ZGRF1: variants seen among roughly 807,000 people sequenced by gnomAD.
ZGRF1 encodes zinc finger GRF-type containing 1.
ZGRF1 carries 196 observed loss-of-function variants against 203.5 expected under a neutral mutation model. The ratio of observed to expected loss-of-function variants is 0.96; its 90% confidence interval spans 0.86 to 1.08. The LOEUF (loss-of-function observed/expected upper bound fraction) is 1.08, where lower values mean the gene tolerates loss of function less well. Ranked by LOEUF, ZGRF1 falls within the 50% of genes least tolerant of loss-of-function variation. ZGRF1 has a pLI of 0.00. For missense variants in ZGRF1, 2,326 were observed against 2,416.3 expected, an observed-to-expected ratio of 0.96 and a Z score of 0.78; for synonymous variants, 809 against 841.3, an observed-to-expected ratio of 0.96 and a Z score of 0.66.
intron 18 of ZGRF1, 63 bp from the exon 19 acceptor site, chr4:112,561,058 A>G (rs764279889): frequency 4.7e-6 from 6 of 1,275,902 alleles, no homozygotes; most frequent in Admixed American, 2.0e-5. Context: ...GATGAGTAGA[A>G]TAATTCATAA....
At chr4:112,595,276 T>A (rs150097914) in intron 10 of ZGRF1, among the ~76,000 whole-genome samples, 2 of 152,188 alleles carry the variant, frequency 1.3e-5, no homozygotes, top group African/African-American at 4.8e-5. Context: ...TAAATATGAA[T>A]TGGTCTGTGC....
chr4:112,635,129 C>CA lies in ZGRF1; in HGVS notation c.-67+1721dup, dbSNP rs34823978. Among the ~76,000 whole-genome samples, 263 of 88,906 alleles carry CA rather than the reference C, an allele frequency of 3.0e-3. 3 individuals are homozygous for CA. Among genetic ancestry groups the CA allele is most frequent in the Middle Eastern group, 7.1e-3 (1 of 140 alleles). The allele number at this position is 88,906 out of a possible 152,430, so 58.3% of individuals were successfully genotyped here. ...TGGGCGACAGAGCGAGACTCCATCT[C>CA]AAAAAAAAAAAAAAAAAAGAAATAC... On this transcript the variant is annotated intron_variant, in intron 1 of 27. Coordinates refer to ENST00000505019, the MANE Select transcript of ZGRF1 (RefSeq NM_018392.5).
At chr4:112,634,649 C>CAAA (rs112562230) in intron 1 of ZGRF1, among the ~76,000 whole-genome samples, 1 of 141,796 alleles carries the variant, frequency 7.1e-6, no homozygotes, top group Admixed American at 7.0e-5. Flanking sequence ...AAAACTGTCT[C>CAAA]AAAAAAAAAA....
chr4:112,556,435 G>A (rs1578704101), intron 20 of ZGRF1, among the ~76,000 whole-genome samples: 2 of 152,064 alleles, frequency 1.3e-5, no homozygotes, highest in South Asian at 4.2e-4. Flanking sequence ...TTGTCACCCA[G>A]GCTAGAGTGC....
chr4:112,606,409 C>T (rs11098167), intron 8 of ZGRF1, among the ~76,000 whole-genome samples: 1 of 152,020 alleles, frequency 6.6e-6, no homozygotes, highest in Admixed American at 6.5e-5. Context: ...CGCCTGTAAT[C>T]CCAGCACTTT....
In ZGRF1 at chr4:112,567,956, A is replaced by G. The variant is rs1351688759; in HGVS notation, c.4439-4682T>C. On this transcript the variant is annotated intron_variant, in intron 16 of 27. Coordinates refer to ENST00000505019, the MANE Select transcript of ZGRF1 (RefSeq NM_018392.5). ...AAACAAAAACAAACAAACAAAAAAAACAGGAAAAAGAAATGAACAGAAATA... is the reference window on the plus strand; with the variant it reads ...AAACAAAAACAAACAAACAAAAAAAGCAGGAAAAAGAAATGAACAGAAATA... Among the ~76,000 whole-genome samples the G allele has an allele frequency of 2.0e-5, 3 of 152,098 alleles. No homozygotes were observed. The East Asian group carries it at 5.8e-4, about 29-fold the overall frequency.
Position 112,541,083 on chromosome 4 carries a change from GT to G in ZGRF1, c.5775+8del, listed in dbSNP as rs774049467. The G allele has an allele frequency of 5.3e-5, 83 of 1,572,026 alleles. No individual in the cohort carries two copies. In the African/African-American group the frequency reaches 1.0e-3, roughly 19 times the overall value. ...CATGTTGACTCTCATCAACATTAAT[GT>G]CATTTACCTGTTCTAGTCCTTTAAC... On this transcript the variant is annotated splice_region_variant and intron_variant, in intron 25 of 27. Coordinates refer to ENST00000505019, the MANE Select transcript of ZGRF1 (RefSeq NM_018392.5).
chr4:112,581,299 G>A, intron 16 of ZGRF1, among the ~76,000 whole-genome samples: 1 of 105,956 alleles, frequency 9.4e-6, no homozygotes, highest in Admixed American at 1.2e-4. Flanking sequence ...GAGGGGGGAG[G>A]GATAGCATTA....
rs1381911062 is a variant in ZGRF1 at position 112,612,524 on chromosome 4, C to T, written c.2667G>A (p.Gln889=). ...ATACTCTTAGAAAAAAAACCTGTAC[C>T]TGTTGAGAATCCTTGTGCAGATGAG... ...KSPHLHKDSQ[Q]ILKEDEVELS... is the part of the protein sequence containing the mutation. The change falls in exon 7 of 28, where the codon CAG becomes CAA. Residue 889 remains glutamine (Q), a splice_region_variant and synonymous_variant. Coordinates refer to ENST00000505019, the MANE Select transcript of ZGRF1 (RefSeq NM_018392.5). The T allele has an allele frequency of 5.7e-6, 9 of 1,591,836 alleles. No homozygotes were observed. The highest frequency in any genetic ancestry group is 1.3e-5 in the African/African-American group (1 of 74,160).
intron 4 of ZGRF1, among the ~76,000 whole-genome samples, 161 bp from the exon 5 acceptor site, chr4:112,620,351 TTAAC>T (rs1487693492): frequency 6.6e-6 from 1 of 152,250 alleles, no homozygotes; most frequent in Admixed American, 6.5e-5. Flanking sequence ...TATGTACTCA[TTAAC>T]TATCAATAAG....
chr4:112,614,001 C>T (rs574030578), intron 6 of ZGRF1, among the ~76,000 whole-genome samples: 1 of 152,104 alleles, frequency 6.6e-6, no homozygotes, highest in East Asian at 1.9e-4. Flanking sequence ...TTTTTTAAAA[C>T]ACCAGATGAA....
At chr4:112,585,308 C>T (rs976231748) in intron 14 of ZGRF1, among the ~76,000 whole-genome samples, 1 of 152,070 alleles carries the variant, frequency 6.6e-6, no homozygotes, top group African/African-American at 2.4e-5. Context: ...AAATACTATA[C>T]AAAAAGTTCC....
At chr4:112,623,580 A>G (rs1351060633) in intron 4 of ZGRF1, among the ~76,000 whole-genome samples, 1 of 152,120 alleles carries the variant, frequency 6.6e-6, no homozygotes, top group African/African-American at 2.4e-5. Flanking sequence ...AAGTTACTTA[A>G]CCTTTCTGCA....
At chr4:112,621,486 CTAAA>C (rs2047057217) in intron 4 of ZGRF1, among the ~76,000 whole-genome samples, 1 of 151,658 alleles carries the variant, frequency 6.6e-6, no homozygotes, top group African/African-American at 2.4e-5. Context: ...CCCGTCTCTA[CTAAA>C]AATACAAAAC....
intron 20 of ZGRF1, among the ~76,000 whole-genome samples, chr4:112,556,131 G>C (rs1740900313): frequency 6.6e-6 from 1 of 151,726 alleles, no homozygotes; most frequent in Non-Finnish European, 1.5e-5. Flanking sequence ...GCTTATAAGA[G>C]TGTGTACTGG....
At chr4:112,577,422 A>G (rs2148973732) in intron 16 of ZGRF1, among the ~76,000 whole-genome samples, 1 of 123,090 alleles carries the variant, frequency 8.1e-6, no homozygotes, top group African/African-American at 2.8e-5. Flanking sequence ...AAATTCACAC[A>G]TAACAATATT....
At chr4:112,579,413 T>G (rs1476463381) in intron 16 of ZGRF1, among the ~76,000 whole-genome samples, 2 of 122,684 alleles carry the variant, frequency 1.6e-5, no homozygotes, top group African/African-American at 5.7e-5. Context: ...TGTTGGAAGT[T>G]CTGGCCAGGG....
chr4:112,552,288 A>AG (rs947605555), intron 22 of ZGRF1, among the ~76,000 whole-genome samples: 26 of 152,104 alleles, frequency 1.7e-4, no homozygotes, highest in Non-Finnish European at 3.5e-4. Flanking sequence ...AAAAAAAAAA[A>AG]AAAGAAAGAA....
rs762653638 is a variant in ZGRF1 at position 112,617,497 on chromosome 4, T to C, written c.2545A>G (p.Asn849Asp). ...LDSLEILKKKNTVFQQGTQQT... is the reference protein window; with the variant it reads ...LDSLEILKKKDTVFQQGTQQT... ...TGAGTTCCTTGCTGAAAGACAGTATTTTTCTTTTTCAATATTTCCAAGCTG... is the reference window on the plus strand; with the variant it reads ...TGAGTTCCTTGCTGAAAGACAGTATCTTTCTTTTTCAATATTTCCAAGCTG... The change falls in exon 6 of 28, where the codon AAT (asparagine) becomes GAT (aspartate). Residue 849 changes from asparagine (N) to aspartate (D), a missense_variant. Asn to Asp is a conservative substitution (Grantham distance 23). Coordinates refer to ENST00000505019, the MANE Select transcript of ZGRF1 (RefSeq NM_018392.5). 6.3e-7 allele frequency: 1 copy of C among 1,598,726 alleles called. No homozygotes were observed. Among genetic ancestry groups the C allele is most frequent in the Non-Finnish European group, 8.5e-7 (1 of 1,175,426 alleles).
Sources: allele counts gnomAD v4.1 joint callset (sites outside exome capture counted in the v4.1 genomes callset), GRCh38; gene constraint gnomAD v4.1.1; transcripts MANE v1.5; gene names NCBI Gene and HGNC (gene_info 2026-07-23, HGNC 2026-07-21).